Variants in ATP7A observed in about 807,000 individuals in gnomAD.
The protein encoded by ATP7A is copper-transporting ATPase 1.
A neutral mutation model predicts 83.5 loss-of-function variants in ATP7A; 7 were observed. The observed-to-expected ratio is 0.08, with a 90% CI of 0.05 to 0.16. The LOEUF is 0.16. Among genes scored for constraint, ATP7A ranks in the 10% least tolerant of loss-of-function variants. The pLI is 1.00. For synonymous variants in ATP7A, 354 were observed against 395.2 expected (o/e 0.90, Z 1.24); for missense variants, 940 against 1,120.8 (o/e 0.84, Z 2.30).
intron 1 of ATP7A, among the ~76,000 whole-genome samples, chrX:77,957,978 G>A (rs2077454355): frequency 9.0e-6 from 1 of 111,147 alleles, no homozygotes; most frequent in Non-Finnish European, 1.9e-5. Context: ...GGACTTGTGG[G>A]AGGCGATTGG....
chrX:78,040,502 A>T lies in ATP7A; in HGVS notation c.3659-89A>T, dbSNP rs1419089811. The T allele has an allele frequency of 4.5e-6, 5 of 1,116,260 alleles. No individual in the cohort carries two copies. The East Asian group carries it at 1.2e-4, about 27-fold the overall frequency. 92.0% of individuals were successfully genotyped at this position (1,116,260 alleles called of 1,213,427 possible). A position where few individuals can be genotyped will look rare whatever the true frequency, so the allele number is the denominator to read the frequency against. ...GCCCTGAACAACTTTACTTGAGAAAATTCATTTCATTCTGAAATTTCAAGT... is the reference window on the plus strand; with the variant it reads ...GCCCTGAACAACTTTACTTGAGAAATTTCATTTCATTCTGAAATTTCAAGT... On this transcript the variant is annotated intron_variant, in intron 18 of 22. Transcript: ENST00000341514.
intron 11 of ATP7A, 102 bp downstream of exon 11, chrX:78,014,855 C>A: frequency 1.6e-6 from 1 of 607,006 alleles, no homozygotes. Flanking sequence ...TTCACATAAT[C>A]TGTCTCCCAG....
At chrX:77,971,853 G>C in intron 2 of ATP7A, 92 bp downstream of exon 2, 1 of 1,032,271 alleles carries the variant, frequency 9.7e-7, no homozygotes, top group African/African-American at 1.8e-5. Flanking sequence ...CAGACACACT[G>C]ACACATTTGG....
At chrX:77,944,818 G>A (rs1345163264) in intron 1 of ATP7A, among the ~76,000 whole-genome samples, 3 of 108,023 alleles carry the variant, frequency 2.8e-5, no homozygotes, top group Non-Finnish European at 5.7e-5. Context: ...ATGTATGTAT[G>A]TATGTATGTA....
Position 77,971,715 on chromosome X carries a change from C to T in ATP7A, c.74C>T (p.Thr25Ile), listed in dbSNP as rs1557229681. The T allele has an allele frequency of 8.3e-7, 1 of 1,210,605 alleles. No individual in the cohort carries two copies. The highest frequency in any genetic ancestry group is 3.0e-5 in the East Asian group (1 of 33,815). ...ATGACTTGCAATTCCTGTGTTTGGACCATTGAGCAGCAGATTGGAAAAGTG... is the reference window on the plus strand; with the variant it reads ...ATGACTTGCAATTCCTGTGTTTGGATCATTGAGCAGCAGATTGGAAAAGTG... ...EGMTCNSCVW[T>I]IEQQIGKVNG... The change falls in exon 2 of 23, where the codon ACC becomes ATC. Residue 25 changes from threonine to isoleucine, a missense_variant. Coordinates refer to ENST00000341514, the MANE Select transcript of ATP7A (RefSeq NM_000052.7).
chrX:78,017,897 G>T (rs978701801), intron 12 of ATP7A, among the ~76,000 whole-genome samples: 1 of 100,589 alleles, frequency 9.9e-6, no homozygotes, highest in Non-Finnish European at 2.0e-5. Context: ...TGCCTCAGCC[G>T]CTGGAGTAGC....
At chrX:77,957,994 AG>A (rs2077454551) in intron 1 of ATP7A, among the ~76,000 whole-genome samples, 1 of 111,302 alleles carries the variant, frequency 9.0e-6, no homozygotes, top group African/African-American at 3.3e-5. Flanking sequence ...ATTGGATCAT[AG>A]GGGAAGATCC....
At chrX:77,956,742 T>C (rs2077444251) in intron 1 of ATP7A, among the ~76,000 whole-genome samples, 1 of 95,230 alleles carries the variant, frequency 1.1e-5, no homozygotes, top group African/African-American at 3.9e-5. Context: ...TTTCTTTCTT[T>C]CTTTCTTTCT....
chrX:78,022,013 G>A (rs1173858141), intron 14 of ATP7A, among the ~76,000 whole-genome samples: 2 of 111,718 alleles, frequency 1.8e-5, no homozygotes, highest in Non-Finnish European at 3.8e-5. Context: ...GGACTGACCT[G>A]TTCCTGGGTG....
rs138505380 is a variant in ATP7A at position 78,010,075 on chromosome X, G to A, written c.1869+812G>A. 4.9e-3 allele frequency among the ~76,000 whole-genome samples: 552 copies of A among 112,394 alleles called. 6 individuals are homozygous for A. Among genetic ancestry groups the A allele is most frequent in the Non-Finnish European group, 1.1e-3 (61 of 53,270 alleles). On this transcript the variant is annotated intron_variant, in intron 7 of 22. Transcript: ENST00000341514. ...TCAAGTGATTTAAAGCATTTTATTA[G>A]TTCAGTTAAGATCCTATTTGTATAG...
At chrX:78,003,328 G>A (rs1352121343) in intron 6 of ATP7A, 92 bp downstream of exon 6, 1 of 900,777 alleles carries the variant, frequency 1.1e-6, no homozygotes, top group African/African-American at 2.0e-5. Context: ...TAAAGGTGGG[G>A]AAAATATTAT....
At chrX:78,030,136 G>C (rs1311331908) in intron 15 of ATP7A, among the ~76,000 whole-genome samples, 1 of 112,265 alleles carries the variant, frequency 8.9e-6, no homozygotes, top group African/African-American at 3.2e-5. Flanking sequence ...CTTAAAAGTC[G>C]CAAGACTAGC....
At chrX:77,925,834 G>T (rs781928947) in intron 1 of ATP7A, among the ~76,000 whole-genome samples, 40 of 110,666 alleles carry the variant, frequency 3.6e-4, no homozygotes, top group Non-Finnish European at 6.4e-4. Context: ...TTTATCTCCA[G>T]ACTCTTTTGT....
intron 1 of ATP7A, chrX:77,968,871 C>A (rs1177553917): frequency 7.4e-6 from 9 of 1,208,807 alleles, no homozygotes; most frequent in African/African-American, 1.7e-5. Context: ...TCCCCGCTGG[C>A]CTTCACTTCT....
chrX:78,041,286 T>A (rs1309401729), intron 19 of ATP7A, among the ~76,000 whole-genome samples: 5 of 111,208 alleles, frequency 4.5e-5, no homozygotes, highest in Non-Finnish European at 9.4e-5. Flanking sequence ...TTTCTTTTTT[T>A]TTTCTTGGGA....
At position 78,011,170 on chromosome X, in the gene ATP7A, C is replaced by G; in HGVS notation, c.1870-6C>G. The G allele has an allele frequency of 8.3e-7, 1 of 1,203,928 alleles. No individual in the cohort carries two copies. Among genetic ancestry groups the G allele is most frequent in the Non-Finnish European group, 1.1e-6 (1 of 888,947 alleles). ...GAAATAATTTTTTTCTCATGAATTT[C>G]CTTAGAGCTTAGGTTTTGAAGCTTC... On this transcript the variant is annotated splice_region_variant and splice_polypyrimidine_tract_variant and intron_variant, in intron 7 of 22. Transcript: ENST00000341514.
chrX:78,004,363 T>A (rs1318095308), intron 6 of ATP7A, among the ~76,000 whole-genome samples: 1 of 112,386 alleles, frequency 8.9e-6, no homozygotes, highest in African/African-American at 3.2e-5. Context: ...ACATTGAAAT[T>A]TTTACAGCTA....
rs781950120 is a variant in ATP7A, at chrX:78,015,811, A to T, written c.2556A>T (p.Pro852=). 5.8e-6 allele frequency: 7 copies of T among 1,210,046 alleles called. No homozygotes were observed. In the East Asian group the frequency reaches 8.9e-5, roughly 15 times the overall value. The change falls in exon 12 of 23, where the codon CCA becomes CCT. Residue 852 remains proline (P), a synonymous_variant. Transcript: ENST00000341514. The part of the protein sequence containing the change: ...VQRGDIIKVV[P]GGKFPVDGRV... ...GTGGAGATATCATTAAAGTAGTTCC[A>T]GGAGGCAAATTTCCAGTGGATGGTC...
chrX:78,025,826 A>G (rs1270248790), intron 14 of ATP7A, among the ~76,000 whole-genome samples: 6 of 111,175 alleles, frequency 5.4e-5, no homozygotes, highest in Non-Finnish European at 1.1e-4. Flanking sequence ...GGAATTTCAT[A>G]TCCTGCCAAA....
Sources: allele counts gnomAD v4.1 joint callset (sites outside exome capture counted in the v4.1 genomes callset), GRCh38; gene constraint gnomAD v4.1.1; transcripts MANE v1.5; gene names NCBI Gene and HGNC (gene_info 2026-07-23, HGNC 2026-07-21).